CPLX2: variants seen among roughly 807,000 people sequenced by gnomAD.
CPLX2 encodes complexin-2.
A neutral mutation model predicts 16.3 loss-of-function variants in CPLX2; 5 were observed. That is an observed-to-expected ratio of 0.31 (90% CI 0.16 to 0.64). CPLX2 has a LOEUF of 0.64. Among genes scored for constraint, CPLX2 ranks in the 30% least tolerant of loss-of-function variants. CPLX2 has a pLI of 0.79. For missense variants in CPLX2, 144 were observed against 181.4 expected (o/e 0.79, Z 1.18); for synonymous variants, 89 against 73.2 (o/e 1.22, Z -1.10).
rs991239049 is a variant in CPLX2, at chr5:175,883,080, G to A, written c.*3035G>A. 9.2e-5 allele frequency: 14 copies of A among 152,332 alleles called. No homozygotes were observed. The highest frequency in any genetic ancestry group is 5.9e-4 in the Admixed American group (9 of 15,286). The allele number at this position is 152,332 out of a possible 1,614,324, so 9.4% of individuals were successfully genotyped here. On this transcript the variant is annotated 3_prime_UTR_variant, in exon 4 of 4. Coordinates refer to ENST00000393745, the MANE Select transcript of CPLX2 (RefSeq NM_001008220.2). ...CAACACACAAGGGAGAGAACCCCCA[G>A]ATGAGAAAATAGGAAGGAGCAATCA... is the stretch of plus-strand genomic sequence containing the variant.
rs554130628 is a variant in CPLX2, at chr5:175,880,946, T to G, written c.*901T>G. The G allele has an allele frequency of 6.5e-6, 1 of 152,706 alleles. No individual in the cohort carries two copies. Among genetic ancestry groups the G allele is most frequent in the Non-Finnish European group, 1.5e-5 (1 of 68,102 alleles). The allele number at this position is 152,706 out of a possible 1,614,324, so 9.5% of individuals were successfully genotyped here. A position where few individuals can be genotyped will look rare whatever the true frequency, so the allele number is the denominator to read the frequency against. ...CCCTCTCCCCACCCCGTCCTGTCCA[T>G]GCGCTTCCAGGGCCCCACGGTCCCC... On this transcript the variant is annotated 3_prime_UTR_variant, in exon 4 of 4. Coordinates refer to ENST00000393745, the MANE Select transcript of CPLX2 (RefSeq NM_001008220.2).
At chr5:175,801,742 G>A (rs1175173907) in intron 1 of CPLX2, among the ~76,000 whole-genome samples, 1 of 152,216 alleles carries the variant, frequency 6.6e-6, no homozygotes, top group Non-Finnish European at 1.5e-5. Context: ...GTATGAGTAC[G>A]AGTATTCTAA....
At chr5:175,870,544 C>T (rs1443708426), upstream of CPLX2, among the ~76,000 whole-genome samples, 1 of 152,134 alleles carries the variant, frequency 6.6e-6, no homozygotes, top group Non-Finnish European at 1.5e-5. Flanking sequence ...CATTTTCCTA[C>T]ACATCGGGCT....
chr5:175,797,899 A>AT (rs1357996928), intron 1 of CPLX2, among the ~76,000 whole-genome samples: 2 of 152,198 alleles, frequency 1.3e-5, no homozygotes, highest in African/African-American at 4.8e-5. Context: ...GCAGGAAAGC[A>AT]TACGTGGAAG....
chr5:175,829,389 A>G (rs1180545791), intron 2 of CPLX2, among the ~76,000 whole-genome samples: 1 of 152,128 alleles, frequency 6.6e-6, no homozygotes, highest in Non-Finnish European at 1.5e-5. Flanking sequence ...CCTCGGGAAG[A>G]AGGCCCCGCT....
chr5:175,817,217 G>A (rs2113640038), intron 2 of CPLX2, among the ~76,000 whole-genome samples: 1 of 152,336 alleles, frequency 6.6e-6, no homozygotes, highest in South Asian at 2.1e-4. Flanking sequence ...GCTCTAGAAA[G>A]AGCAGAAGCT....
chr5:175,822,029 C>T (rs1441791456), intron 2 of CPLX2, among the ~76,000 whole-genome samples: 1 of 152,120 alleles, frequency 6.6e-6, no homozygotes, highest in African/African-American at 2.4e-5. Context: ...TGACTCTGGG[C>T]CTCTCCTGTG....
At position 175,881,055 on chromosome 5, in the gene CPLX2, C is replaced by A. The variant is rs1173329699; in HGVS notation, c.*1010C>A. On this transcript the variant is annotated 3_prime_UTR_variant, in exon 4 of 4. Coordinates refer to ENST00000393745, the MANE Select transcript of CPLX2 (RefSeq NM_001008220.2). ...ACAGAAGGCGTCCATCCATTCATCT[C>A]ATTGGCCAAGGACAAACTCTCCTCT... The A allele has an allele frequency of 2.0e-5, 3 of 153,034 alleles. No homozygotes were observed. The highest frequency in any genetic ancestry group is 4.4e-5 in the Non-Finnish European group (3 of 68,144). The allele number at this position is 153,034 out of a possible 1,614,324, so 9.5% of individuals were successfully genotyped here. A position where few individuals can be genotyped will look rare whatever the true frequency, so the allele number is the denominator to read the frequency against.
chr5:175,836,514 T>C (rs1467429730), intron 2 of CPLX2, among the ~76,000 whole-genome samples: 1 of 152,180 alleles, frequency 6.6e-6, no homozygotes, highest in Non-Finnish European at 1.5e-5. Context: ...TCTACTCTCC[T>C]GGGGTTGTCC....
rs905327975 is a variant in CPLX2 at position 175,809,289 on chromosome 5, T to G, written c.-89+221T>G. 3 of 152,192 alleles carry G rather than the reference T, an allele frequency of 2.0e-5. No homozygotes were observed. The highest frequency in any genetic ancestry group is 7.2e-5 in the African/African-American group (3 of 41,434). 9.4% of individuals were successfully genotyped at this position (152,192 alleles called of 1,614,324 possible). A position where few individuals can be genotyped will look rare whatever the true frequency, so the allele number is the denominator to read the frequency against. On this transcript the variant is annotated intron_variant, in intron 2 of 4. Transcript: ENST00000359546. This position sits in a 1 kb window ranked among gnomAD's most constrained non-coding sequence, Gnocchi z 4.4. ...AGCACTTTCTTGTGCAATGCCTTAT[T>G]CAGTGCTCCCCAAAAAACCTGAGGT...
chr5:175,804,014 C>T (rs565071839), intron 1 of CPLX2, among the ~76,000 whole-genome samples: 2 of 152,296 alleles, frequency 1.3e-5, no homozygotes, highest in East Asian at 3.9e-4. Context: ...AGTAAGACAC[C>T]TGCCTCTGGT....
intron 2 of CPLX2, among the ~76,000 whole-genome samples, chr5:175,865,076 G>A (rs990517809): frequency 1.2e-5 from 1 of 84,958 alleles, no homozygotes; most frequent in Non-Finnish European, 2.3e-5. Context: ...TCACATGCAC[G>A]CATGTGCGCG....
At chr5:175,853,472 C>T (rs1425230883) in intron 2 of CPLX2, among the ~76,000 whole-genome samples, 5 of 152,204 alleles carry the variant, frequency 3.3e-5, no homozygotes, top group African/African-American at 1.2e-4. Context: ...CACCCTGTCA[C>T]CTGCTGAAAG....
intron 2 of CPLX2, among the ~76,000 whole-genome samples, chr5:175,866,146 C>T (rs1759472649): frequency 6.6e-6 from 1 of 152,176 alleles, no homozygotes; most frequent in African/African-American, 2.4e-5. Context: ...GGGACCCTCT[C>T]GAGAGCATGG....
chr5:175,878,796 T>A (rs765028650), intron 2 of CPLX2, 26 bp downstream of exon 2: 9 of 1,612,274 alleles, frequency 5.6e-6, no homozygotes, highest in Middle Eastern at 1.7e-4. Flanking sequence ...CCTCCGCGTG[T>A]CCTCAGCCGG....
chr5:175,869,603 G>A (rs540121308), upstream of CPLX2, among the ~76,000 whole-genome samples: 1 of 152,226 alleles, frequency 6.6e-6, no homozygotes, highest in East Asian at 1.9e-4. Flanking sequence ...TGCCAGGCAC[G>A]TTACTAAGCG....
At chr5:175,862,539 T>C (rs1228555061) in intron 2 of CPLX2, among the ~76,000 whole-genome samples, 1 of 152,118 alleles carries the variant, frequency 6.6e-6, no homozygotes, top group Non-Finnish European at 1.5e-5. Flanking sequence ...AATCATCTGG[T>C]GTTGATGGGG....
intron 2 of CPLX2, among the ~76,000 whole-genome samples, chr5:175,831,446 C>T (rs1208635328): frequency 6.6e-6 from 1 of 152,224 alleles, no homozygotes; most frequent in Non-Finnish European, 1.5e-5. Flanking sequence ...AGGCCAAAAG[C>T]TGCTCCCTCC....
At chr5:175,874,165 C>T (rs1384769263) in intron 1 of CPLX2, among the ~76,000 whole-genome samples, 1 of 152,084 alleles carries the variant, frequency 6.6e-6, no homozygotes, top group Non-Finnish European at 1.5e-5. Flanking sequence ...TGGATGGCCA[C>T]GTGGAGGCTG....
Sources: allele counts gnomAD v4.1 joint callset (sites outside exome capture counted in the v4.1 genomes callset), GRCh38; gene constraint gnomAD v4.1.1; non-coding constraint Gnocchi (gnomAD v3.1); transcripts MANE v1.5; gene names NCBI Gene and HGNC (gene_info 2026-07-23, HGNC 2026-07-21).